The following NTN3 variants were observed in gnomAD, a reference collection of about 807,000 sequenced individuals.
NTN3 encodes netrin 3, also known as netrin-3.
NTN3 carries 44 observed loss-of-function variants against 37.2 expected under a neutral mutation model. The ratio of observed to expected loss-of-function variants is 1.18; its 90% CI spans 0.93 to 1.52. The LOEUF (loss-of-function observed/expected upper bound fraction) is 1.52. Among genes scored for constraint, NTN3 ranks in the 40% most tolerant of loss-of-function variants. NTN3 has a pLI of 0.00. For synonymous variants in NTN3, 385 were observed against 376.0 expected, an observed-to-expected ratio of 1.02 and a Z score of -0.28; for missense variants, 882 against 857.3, an observed-to-expected ratio of 1.03 and a Z score of -0.36.
Position 2,473,315 on chromosome 16 carries a change from C to T in NTN3, c.1315C>T (p.Gln439Ter). ...TGAGGACAGCAGCCCTGTGCAGCCC[C>T]AGGGTGAGTGGACACAGGACAGGGC... Reference protein sequence around the residue: ...PTEDSSPVQPQDCDSHCKPAR... With the variant: ...PTEDSSPVQP The change falls in exon 4 of 6, where the codon CAG (glutamine) becomes TAG (stop). Residue 439 changes from glutamine (Q) to a stop codon, truncating the protein, a stop_gained. Transcript: ENST00000293973. LOFTEE classifies it high-confidence loss of function. The T allele has an allele frequency of 6.2e-7, 1 of 1,612,996 alleles. No homozygotes were observed. Among genetic ancestry groups the T allele is most frequent in the Non-Finnish European group, 8.5e-7 (1 of 1,179,986 alleles).
chr16:2,473,168 C>G (rs1215039263), intron 3 of NTN3, 34 bp downstream of exon 3: 2 of 1,593,650 alleles, frequency 1.3e-6, no homozygotes, highest in Non-Finnish European at 1.7e-6. Flanking sequence ...GCCACCAAGC[C>G]AAGGCCACCC....
At position 2,472,483 on chromosome 16, in the gene NTN3, C is replaced by G. The variant is rs987547342; in HGVS notation, c.782C>G (p.Ala261Gly). ...GGGCGCTGCAAGTGCAATGGACATG[C>G]CTCACGGTGCCTGCTGGACACACAG... ...VGGRCKCNGHASRCLLDTQGH... is the reference protein window; with the variant it reads ...VGGRCKCNGHGSRCLLDTQGH... Residue 261 changes from alanine (A) to glycine (G), a missense_variant, in exon 1 of 6, where the codon GCC (alanine) becomes GGC (glycine). Coordinates refer to ENST00000293973, the MANE Select transcript of NTN3 (RefSeq NM_006181.3). 1 of 1,610,902 alleles carries G rather than the reference C, an allele frequency of 6.2e-7. No individual in the cohort carries two copies. The highest frequency in any genetic ancestry group is 8.5e-7 in the Non-Finnish European group (1 of 1,179,340).
chr16:2,473,002 G>A lies in NTN3; in HGVS notation c.1135G>A (p.Val379Ile). 1.2e-6 allele frequency: 2 copies of A among 1,605,200 alleles called. No homozygotes were observed. The highest frequency in any genetic ancestry group is 1.7e-6 in the Non-Finnish European group (2 of 1,175,278). ...GTCCTCAGCCTGCGACTGTCACCCGGTTGGTGCTGCTGGCAAGACCTGCAA... is the reference window on the plus strand; with the variant it reads ...GTCCTCAGCCTGCGACTGTCACCCGATTGGTGCTGCTGGCAAGACCTGCAA... ...RACRACDCHP[V>I]GAAGKTCNQT... Residue 379 changes from valine to isoleucine, a missense_variant, in exon 3 of 6, where the codon GTT becomes ATT. Physicochemically the swap from Val to Ile is conservative, Grantham distance 29. Coordinates refer to ENST00000293973, the MANE Select transcript of NTN3 (RefSeq NM_006181.3).
Position 2,472,396 on chromosome 16 carries a change from A to G in NTN3, c.695A>G (p.Asp232Gly), listed in dbSNP as rs2141844944. ...CTCACAAGGCCTAGCACGGCAGGTG[A>G]CCCCAGGGACATGGAGGCCGTCGTC... is the stretch of plus-strand genomic sequence containing the variant. ...VVLTRPSTAG[D>G]PRDMEAVVPY... Residue 232 changes from aspartate to glycine, a missense_variant, in exon 1 of 6, where the codon GAC becomes GGC. Physicochemically the swap from Asp to Gly is moderately conservative, Grantham distance 94. Transcript: ENST00000293973. 6.2e-7 allele frequency: 1 copy of G among 1,612,688 alleles called. No homozygotes were observed.
Position 2,472,276 on chromosome 16 carries a change from C to A in NTN3, c.575C>A (p.Ala192Asp). The A allele has an allele frequency of 6.2e-7, 1 of 1,607,358 alleles. No homozygotes were observed. Among genetic ancestry groups the A allele is most frequent in the Non-Finnish European group, 8.5e-7 (1 of 1,176,596 alleles). The change falls in exon 1 of 6, where the codon GCC (alanine) becomes GAC (aspartate). Residue 192 changes from alanine to aspartate, a missense_variant. Coordinates refer to ENST00000293973, the MANE Select transcript of NTN3 (RefSeq NM_006181.3). The part of the protein sequence containing the change: ...LAQPDGSGLL[A>D]FSMQDSSPPG... ...CAGCCTGATGGCAGCGGCCTTCTGG[C>A]CTTCAGCATGCAGGACAGCAGCCCC...
Position 2,473,284 on chromosome 16 carries a change from A to G in NTN3, c.1284A>G (p.Gly428=), listed in dbSNP as rs1156320184. 1.2e-6 allele frequency: 2 copies of G among 1,612,820 alleles called. No homozygotes were observed. The highest frequency in any genetic ancestry group is 1.7e-4 in the Middle Eastern group (1 of 6,060). The change falls in exon 4 of 6, where the codon GGA becomes GGG. Residue 428 remains glycine, a synonymous_variant. Transcript: ENST00000293973. ...VAPCVKTPIP[G]PTEDSSPVQP... ...TCTCTGCAGAGACCCCTATCCCTGG[A>G]CCCACTGAGGACAGCAGCCCTGTGC... is the stretch of plus-strand genomic sequence containing the variant.
rs373224714 is a variant in NTN3 at position 2,472,221 on chromosome 16, G to C, written c.520G>C (p.Glu174Gln). ...PANGPAGPGP[E>Q]ALCFPAPLAQ... Reference sequence around the variant, plus strand: ...CAATGGCCCAGCTGGCCCAGGGCCTGAGGCCCTGTGCTTCCCCGCACCCCT... The same window carrying C: ...CAATGGCCCAGCTGGCCCAGGGCCTCAGGCCCTGTGCTTCCCCGCACCCCT... Residue 174 changes from glutamate (E) to glutamine (Q), a missense_variant, in exon 1 of 6, where the codon GAG (glutamate) becomes CAG (glutamine). Transcript: ENST00000293973. The C allele has an allele frequency of 1.2e-6, 2 of 1,609,942 alleles. No individual in the cohort carries two copies. The highest frequency in any genetic ancestry group is 1.3e-5 in the African/African-American group (1 of 74,910).
At position 2,471,630 on chromosome 16, in the gene NTN3, G is replaced by A; in HGVS notation, c.-72G>A. ...TTGCGGGCCTGGTGGGCAGAGCCGC[G>A]GAGAGGGCTTCTTTTCCCCAAGGGC... On this transcript the variant is annotated 5_prime_UTR_variant, in exon 1 of 6. Coordinates refer to ENST00000293973, the MANE Select transcript of NTN3 (RefSeq NM_006181.3). The A allele has an allele frequency of 2.6e-6, 3 of 1,154,566 alleles. No homozygotes were observed. Among genetic ancestry groups the A allele is most frequent in the Non-Finnish European group, 3.4e-6 (3 of 895,140 alleles). The allele number at this position is 1,154,566 out of a possible 1,614,324, so 71.5% of individuals were successfully genotyped here.
chr16:2,473,282 G>A lies in NTN3; in HGVS notation c.1282G>A (p.Gly428Arg). The A allele has an allele frequency of 6.2e-7, 1 of 1,612,898 alleles. No individual in the cohort carries two copies. The highest frequency in any genetic ancestry group is 8.5e-7 in the Non-Finnish European group (1 of 1,179,962). Residue 428 changes from glycine (G) to arginine (R), a missense_variant, in exon 4 of 6, where the codon GGA (glycine) becomes AGA (arginine). Gly to Arg is a moderately radical substitution (Grantham distance 125). Coordinates refer to ENST00000293973, the MANE Select transcript of NTN3 (RefSeq NM_006181.3). ...VAPCVKTPIP[G>R]PTEDSSPVQP... ...CCTCTCTGCAGAGACCCCTATCCCT[G>A]GACCCACTGAGGACAGCAGCCCTGT...
At chr16:2,473,683 T>A in intron 5 of NTN3, 73 bp from the exon 6 acceptor site, 1 of 1,343,066 alleles carries the variant, frequency 7.4e-7, no homozygotes, top group Non-Finnish European at 9.9e-7. Context: ...CCTCCTGGTG[T>A]CCTCCCCGTG....
At position 2,472,700 on chromosome 16, in the gene NTN3, G is replaced by A; in HGVS notation, c.929-1G>A. ...TGCCCCTGACCCATCCCTCCCTGCA[G>A]CTTGCTCCTGCAACGGCCATGCCCG... On this transcript the variant is annotated splice_acceptor_variant, in intron 1 of 5. Transcript: ENST00000293973. LOFTEE classifies it high-confidence loss of function. 1.2e-6 allele frequency: 2 copies of A among 1,608,812 alleles called. No homozygotes were observed. Among genetic ancestry groups the A allele is most frequent in the Non-Finnish European group, 1.7e-6 (2 of 1,179,228 alleles).
In NTN3 at chr16:2,471,984, T is replaced by G. The variant is rs771022810; in HGVS notation, c.283T>G (p.Ser95Ala). ...GGTASPLCWR[S>A]ESLPRAPLNV... ...CACGGCCAGCCCTCTGTGCTGGCGC[T>G]CGGAGTCCCTGCCTCGGGCGCCCCT... Residue 95 changes from serine to alanine, a missense_variant, in exon 1 of 6, where the codon TCG becomes GCG. Transcript: ENST00000293973. The G allele has an allele frequency of 1.9e-6, 3 of 1,599,656 alleles. No individual in the cohort carries two copies. The highest frequency in any genetic ancestry group is 2.5e-6 in the Non-Finnish European group (3 of 1,178,336).
rs1277853995 is a variant in NTN3, at chr16:2,474,132, T to C, written c.*27T>C. ...CCCGCCGGCTGGGCAGGGCGGCCGCTGCTCCCACATCTAGGCGCACGTTCA... is the reference window on the plus strand; with the variant it reads ...CCCGCCGGCTGGGCAGGGCGGCCGCCGCTCCCACATCTAGGCGCACGTTCA... On this transcript the variant is annotated 3_prime_UTR_variant, in exon 6 of 6. Coordinates refer to ENST00000293973, the MANE Select transcript of NTN3 (RefSeq NM_006181.3). 8.5e-5 allele frequency: 101 copies of C among 1,184,234 alleles called. No individual in the cohort carries two copies. The highest frequency in any genetic ancestry group is 1.0e-4 in the Non-Finnish European group (100 of 957,318). 73.4% of individuals were successfully genotyped at this position (1,184,234 alleles called of 1,614,324 possible). A position where few individuals can be genotyped will look rare whatever the true frequency, so the allele number is the denominator to read the frequency against.
At chr16:2,473,386 G>A in intron 4 of NTN3, 43 bp from the exon 5 acceptor site, 3 of 1,612,528 alleles carry the variant, frequency 1.9e-6, no homozygotes, top group Non-Finnish European at 2.5e-6. Context: ...GGAGGAGAGG[G>A]TGGGGAAAGG....
rs921158492 is a variant in NTN3, at chr16:2,473,827, G to A, written c.1465G>A (p.Ala489Thr). 1 of 1,378,364 alleles carries A rather than the reference G, an allele frequency of 7.3e-7. No individual in the cohort carries two copies. Among genetic ancestry groups the A allele is most frequent in the African/African-American group, 1.5e-5 (1 of 65,356 alleles). 85.4% of individuals were successfully genotyped at this position (1,378,364 alleles called of 1,614,324 possible). The change falls in exon 6 of 6, where the codon GCC becomes ACC. Residue 489 changes from alanine to threonine, a missense_variant. Coordinates refer to ENST00000293973, the MANE Select transcript of NTN3 (RefSeq NM_006181.3). ...GACACGCTTCCCGGTGGCGGTGCTC[G>A]CCGTGTTCCGGAGCGGAGAGGAGCG... ...AWTRFPVAVL[A>T]VFRSGEERAR...
In NTN3 at chr16:2,472,111, C is replaced by G; in HGVS notation, c.410C>G (p.Ser137Cys). Residue 137 changes from serine (S) to cysteine (C), a missense_variant, in exon 1 of 6, where the codon TCT becomes TGT. Coordinates refer to ENST00000293973, the MANE Select transcript of NTN3 (RefSeq NM_006181.3). The stretch of plus-strand genomic sequence containing the variant: ...CCAGCCTCCGTGGCCCTGCTCAAGT[C>G]TCAGGACCATGGCCGCAGCTGGGCC... ...APPASVALLK[S>C]QDHGRSWAPL... The G allele has an allele frequency of 6.2e-7, 1 of 1,608,334 alleles. No homozygotes were observed. The highest frequency in any genetic ancestry group is 1.1e-5 in the South Asian group (1 of 90,852).
Position 2,471,546 on chromosome 16 carries a change from C to T in NTN3, c.-156C>T. On this transcript the variant is annotated 5_prime_UTR_variant, in exon 1 of 6. Transcript: ENST00000293973. ...TGCTGTGCTGGGCCCGGGGCGTGCC[C>T]GCCGCTGCTCCCACCTCTGGGCCGG... 1 of 455,064 alleles carries T rather than the reference C, an allele frequency of 2.2e-6. No individual in the cohort carries two copies. The highest frequency in any genetic ancestry group is 3.7e-6 in the Non-Finnish European group (1 of 272,336). The allele number at this position is 455,064 out of a possible 1,614,324, so 28.2% of individuals were successfully genotyped here. A position where few individuals can be genotyped will look rare whatever the true frequency, so the allele number is the denominator to read the frequency against.
rs2065527615 is a variant in NTN3 at position 2,472,479 on chromosome 16, C to G, written c.778C>G (p.His260Asp). The G allele has an allele frequency of 3.1e-6, 5 of 1,595,818 alleles. No homozygotes were observed. The South Asian group carries it at 4.4e-5, about 14-fold the overall frequency. The change falls in exon 1 of 6, where the codon CAT becomes GAT. Residue 260 changes from histidine to aspartate, a missense_variant. Coordinates refer to ENST00000293973, the MANE Select transcript of NTN3 (RefSeq NM_006181.3). ...GGGCGGGCGCTGCAAGTGCAATGGA[C>G]ATGCCTCACGGTGCCTGCTGGACAC... ...QVGGRCKCNG[H>D]ASRCLLDTQG...
intron 1 of NTN3, 26 bp downstream of exon 1, chr16:2,472,655 G>A (rs1263627100): frequency 4.4e-6 from 7 of 1,602,762 alleles, no homozygotes; most frequent in Non-Finnish European, 6.0e-6. Context: ...GTGGCCTGGG[G>A]ACCTTGGACA....
Sources: allele counts gnomAD v4.1 joint callset, GRCh38; gene constraint gnomAD v4.1.1; transcripts MANE v1.5; gene names NCBI Gene and HGNC (gene_info 2026-07-23, HGNC 2026-07-21).